RPL7: variants seen among roughly 807,000 people sequenced by gnomAD.
The protein encoded by RPL7 is ribosomal protein L7.
For synonymous variants in RPL7, 100 were observed against 102.2 expected (o/e 0.98, Z 0.13); for missense variants, 205 against 301.9 (o/e 0.68, Z 2.38).
rs368942886 is a variant in RPL7, at chr8:73,290,362, C to T, written c.*345G>A. The T allele has an allele frequency of 1.6e-4, 24 of 152,166 alleles. No individual in the cohort carries two copies. In the East Asian group the frequency reaches 2.1e-3, roughly 13 times the overall value. The allele number at this position is 152,166 out of a possible 1,614,324, so 9.4% of individuals were successfully genotyped here. A position where few individuals can be genotyped will look rare whatever the true frequency, so the allele number is the denominator to read the frequency against. The stretch of plus-strand genomic sequence containing the variant: ...ATAAACCAAAGTTGGATTACCTTAC[C>T]GACAAATCATGTACAAATGCTTGTG... On this transcript the variant is annotated 3_prime_UTR_variant, in exon 7 of 7. Coordinates refer to ENST00000352983, the MANE Select transcript of RPL7 (RefSeq NM_000971.4).
intron 1 of RPL7, 191 bp from the exon 2 acceptor site, chr8:73,292,988 T>C (rs1432533900): frequency 1.4e-5 from 6 of 436,726 alleles, no homozygotes; most frequent in East Asian, 3.4e-5. Context: ...TAACACCATG[T>C]TGCCTAAAAC....
At chr8:73,293,470 A>G (rs1355893134) in intron 1 of RPL7, 129 bp downstream of exon 1, 3 of 1,178,114 alleles carry the variant, frequency 2.5e-6, no homozygotes, top group East Asian at 5.2e-5. Context: ...CTGGTGTCAC[A>G]CAGCGTTCAC....
chr8:73,293,656 CA>C (rs771724550), upstream of RPL7: 1 of 1,611,736 alleles, frequency 6.2e-7, no homozygotes, highest in East Asian at 2.2e-5. Flanking sequence ...GCGTACTGTC[CA>C]CTTAAAGACT....
chr8:73,293,495 G>A, intron 1 of RPL7, 104 bp downstream of exon 1: 2 of 1,397,682 alleles, frequency 1.4e-6, no homozygotes, highest in Non-Finnish European at 2.0e-6. Flanking sequence ...AAGCAGGGAG[G>A]TGGGCAAAGG....
In RPL7 at chr8:73,291,245, G is replaced by A. The variant is rs1201572634; in HGVS notation, c.546C>T (p.Tyr182=). The A allele has an allele frequency of 3.7e-6, 6 of 1,604,722 alleles. No individual in the cohort carries two copies. Among genetic ancestry groups the A allele is most frequent in the South Asian group, 2.2e-5 (2 of 89,180 alleles). Residue 182 remains tyrosine, a synonymous_variant, in exon 6 of 7, where the codon TAC becomes TAT. Transcript: ENST00000352983. ...TCAAATCCTCCATGCAGATGATGCC[G>A]TATTTACCTAAATATTTTAAGGTTA... ...NALIARSLGK[Y]GIICMEDLIH... is the part of the protein sequence containing the mutation.
intron 1 of RPL7, 67 bp downstream of exon 1, chr8:73,293,532 A>G (rs980300374): frequency 2.1e-5 from 33 of 1,595,032 alleles, no homozygotes; most frequent in East Asian, 1.8e-4. Flanking sequence ...AGAGAGAAAA[A>G]GTGACACAAA....
rs1814085640 is a variant in RPL7, at chr8:73,291,134, T to C, written c.657A>G (p.Gly219=). 1 of 1,607,304 alleles carries C rather than the reference T, an allele frequency of 6.2e-7. No homozygotes were observed. The change falls in exon 6 of 7, where the codon GGA becomes GGG. Residue 219 remains glycine (G), a synonymous_variant. Coordinates refer to ENST00000352983, the MANE Select transcript of RPL7 (RefSeq NM_000971.4). ...CAAAATGGGTGGTCTTTTTCTTCAT[T>C]CCACCTCGTGGAGAAGACAATTTGA... is the stretch of plus-strand genomic sequence containing the variant. The part of the protein sequence containing the change: ...WPFKLSSPRG[G]MKKKTTHFVE...
intron 1 of RPL7, 31 bp from the exon 2 acceptor site, chr8:73,292,828 A>G (rs752620293): frequency 1.3e-6 from 2 of 1,488,126 alleles, no homozygotes; most frequent in South Asian, 1.2e-5. Flanking sequence ...TGTTATCAAT[A>G]GCTCAAAAAG....
In RPL7 at chr8:73,291,626, T is replaced by C. The variant is rs1455968105; in HGVS notation, c.464A>G (p.Tyr155Cys). 1 of 1,597,420 alleles carries C rather than the reference T, an allele frequency of 6.3e-7. No homozygotes were observed. Among genetic ancestry groups the C allele is most frequent in the Non-Finnish European group, 8.6e-7 (1 of 1,166,136 alleles). ...PNLKSVNELI[Y>C]KRGYGKINKK... Reference sequence around the variant, plus strand: ...ATTGATTTTGCCATAACCACGCTTGTAGATTAGTTCATTTACTGACTTCAG... The same window carrying C: ...ATTGATTTTGCCATAACCACGCTTGCAGATTAGTTCATTTACTGACTTCAG... Residue 155 changes from tyrosine to cysteine, a missense_variant, in exon 5 of 7, where the codon TAC becomes TGC. By Grantham distance (194) the Tyr-to-Cys change is radical (BLOSUM62 -2). Coordinates refer to ENST00000352983, the MANE Select transcript of RPL7 (RefSeq NM_000971.4).
At position 73,292,128 on chromosome 8, in the gene RPL7, T is replaced by C. The variant is rs1319047720; in HGVS notation, c.290+111A>G. ...GATCAGCACCCTCCTTGTTCTAGCT[T>C]CCCCTAAAATATTGTTACTCCGGTG... On this transcript the variant is annotated intron_variant, in intron 3 of 6. Transcript: ENST00000352983. 6.8e-6 allele frequency: 8 copies of C among 1,184,150 alleles called. No individual in the cohort carries two copies. In the East Asian group the frequency reaches 1.9e-4, roughly 28 times the overall value. 73.4% of individuals were successfully genotyped at this position (1,184,150 alleles called of 1,614,324 possible).
intron 1 of RPL7, 44 bp downstream of exon 1, chr8:73,293,555 C>CTGGAGA (rs749664230): frequency 2.7e-5 from 44 of 1,611,928 alleles, no homozygotes; most frequent in Non-Finnish European, 2.5e-5. Flanking sequence ...GTATCTGGCT[C>CTGGAGA]TGGAGATGGA....
intron 5 of RPL7, 51 bp from the exon 6 acceptor site, chr8:73,291,303 A>G (rs1054936120): frequency 1.4e-6 from 2 of 1,446,836 alleles, no homozygotes; most frequent in Non-Finnish European, 1.9e-6. Flanking sequence ...AAAGTTTTGA[A>G]ATAATTATTC....
At chr8:73,293,977 T>C (rs1360212004), upstream of RPL7, 7 of 216,398 alleles carry the variant, frequency 3.2e-5, no homozygotes, top group Non-Finnish European at 4.8e-5. Context: ...AATCCCAGCA[T>C]GCACCAGTCT....
rs747755328 is a variant in RPL7, at chr8:73,291,905, T to C, written c.296A>G (p.Asn99Ser). ...LAFVIRIRGI[N>S]GVSPKVRKVL... ...CTTTCGAACCTTTGGGCTCACTCCA[T>C]TGATACTGTGGTGAAAACGGACCAG... The change falls in exon 4 of 7, where the codon AAT (asparagine) becomes AGT (serine). Residue 99 changes from asparagine to serine, a missense_variant. Physicochemically the swap from Asn to Ser is conservative, Grantham distance 46. Transcript: ENST00000352983. 8.7e-6 allele frequency: 14 copies of C among 1,612,000 alleles called. No homozygotes were observed. Among genetic ancestry groups the C allele is most frequent in the South Asian group, 3.3e-5 (3 of 91,044 alleles).
chr8:73,293,294 A>C (rs1814152896), intron 1 of RPL7: 1 of 418,658 alleles, frequency 2.4e-6, no homozygotes, highest in Non-Finnish European at 4.4e-6. Context: ...AAGGACGAAC[A>C]CAATTCAGAG....
rs574932474 is a variant in RPL7 at position 73,292,802 on chromosome 8, C to T, written c.15-5G>A. On this transcript the variant is annotated splice_polypyrimidine_tract_variant and splice_region_variant and intron_variant, in intron 1 of 6. Transcript: ENST00000352983. ...GGAACCTCCTTCTTCTTCTCTCTAA[C>T]GTTAATAAACAAAAATGTTATCAAT... 10 of 1,596,578 alleles carry T rather than the reference C, an allele frequency of 6.3e-6. No homozygotes were observed. The East Asian group carries it at 1.3e-4, about 21-fold the overall frequency.
chr8:73,293,771 C>G, upstream of RPL7: 1 of 782,718 alleles, frequency 1.3e-6, no homozygotes, highest in Non-Finnish European at 2.1e-6. Context: ...CTGATTTAGC[C>G]TCTTTCAACA....
At chr8:73,293,572 T>C (rs373273646) in intron 1 of RPL7, 27 bp downstream of exon 1, 1 of 1,613,492 alleles carries the variant, frequency 6.2e-7, no homozygotes, top group African/African-American at 1.3e-5. Context: ...TGGAGAAGGA[T>C]TCTCAAGAGG....
rs556746526 is a variant in RPL7, at chr8:73,292,784, CCTT to C, written c.25_27del (p.Lys9del). ...AGGGTTTCTGGCACAGCAGGAACCT[CCTT>C]CTTCTTCTCTCTAACGTTAATAAAC... On this transcript the variant is annotated inframe_deletion, in exon 2 of 7. Coordinates refer to ENST00000352983, the MANE Select transcript of RPL7 (RefSeq NM_000971.4). 3.3e-3 allele frequency: 5,336 copies of C among 1,609,542 alleles called. 12 individuals are homozygous for C. The highest frequency in any genetic ancestry group is 3.6e-3 in the Non-Finnish European group (4,266 of 1,178,270).
Sources: allele counts gnomAD v4.1 joint callset, GRCh38; gene constraint gnomAD v4.1.1; transcripts MANE v1.5; gene names NCBI Gene and HGNC (gene_info 2026-07-23, HGNC 2026-07-21).